JAKMIP3: variants seen among roughly 807,000 people sequenced by gnomAD.
The protein encoded by JAKMIP3 is Janus kinase and microtubule interacting protein 3, also known as janus kinase and microtubule-interacting protein 3.
A neutral mutation model predicts 118.5 loss-of-function variants in JAKMIP3; 58 were observed. The observed-to-expected ratio is 0.49, with a 90% CI of 0.40 to 0.61. JAKMIP3 has a LOEUF of 0.61. JAKMIP3 is among the 20% of genes least tolerant of loss of function. The pLI is 0.00. For synonymous variants in JAKMIP3, 486 were observed against 451.2 expected, an observed-to-expected ratio of 1.08 and a Z score of -0.98; for missense variants, 950 against 1,109.0, an observed-to-expected ratio of 0.86 and a Z score of 2.04.
intron 13 of JAKMIP3, among the ~76,000 whole-genome samples, chr10:132,146,060 G>A (rs977204722): frequency 6.6e-5 from 10 of 152,126 alleles, no homozygotes; most frequent in South Asian, 4.1e-4. Context: ...TCGGCAAGGC[G>A]TCACCTGGCA....
At chr10:132,089,826 T>C (rs1482852218) in intron 1 of JAKMIP3, among the ~76,000 whole-genome samples, 1 of 152,216 alleles carries the variant, frequency 6.6e-6, no homozygotes, top group Non-Finnish European at 1.5e-5. Context: ...GCCCATTCAG[T>C]ATGATATTGT....
At chr10:132,180,680 CGCGT>C (rs1434638342) in intron 23 of JAKMIP3, among the ~76,000 whole-genome samples, 796 of 5,928 alleles carry the variant, frequency 0.13, 144 homozygotes, top group East Asian at 0.43. Context: ...TGTGTGCGCG[CGCGT>C]GTGTGTGCGT....
chr10:132,088,664 T>A (rs2042716502), intron 1 of JAKMIP3, among the ~76,000 whole-genome samples: 1 of 152,264 alleles, frequency 6.6e-6, no homozygotes, highest in South Asian at 2.1e-4. Context: ...GGTTGCCAGT[T>A]CACTCTGATG....
At chr10:132,175,075 A>G (rs1350493332) in intron 23 of JAKMIP3, among the ~76,000 whole-genome samples, 2 of 152,102 alleles carry the variant, frequency 1.3e-5, no homozygotes, top group Non-Finnish European at 2.9e-5. Flanking sequence ...CATTCCCTTG[A>G]GTGTCATTTA....
chr10:132,111,267 G>A (rs940108049), intron 2 of JAKMIP3, among the ~76,000 whole-genome samples: 2 of 152,198 alleles, frequency 1.3e-5, no homozygotes, highest in African/African-American at 2.4e-5. Context: ...CGGGGACAGG[G>A]GCCGAGGCAA....
At position 132,150,020 on chromosome 10, in the gene JAKMIP3, C is replaced by T. The variant is rs1457730961; in HGVS notation, c.1986C>T (p.Ile662=). The T allele has an allele frequency of 3.2e-6, 5 of 1,568,730 alleles. No individual in the cohort carries two copies. Among genetic ancestry groups the T allele is most frequent in the Non-Finnish European group, 3.5e-6 (4 of 1,156,580 alleles). The change falls in exon 16 of 24, where the codon ATC becomes ATT. Residue 662 remains isoleucine, a synonymous_variant. Transcript: ENST00000684848. ...VVAELMKKLD[I]LGDNAVSNLT... Reference sequence around the variant, plus strand: ...CGGAGCTGATGAAGAAGCTGGACATCCTGGGCGATAACGCCGTAAGTGTAT... The same window carrying T: ...CGGAGCTGATGAAGAAGCTGGACATTCTGGGCGATAACGCCGTAAGTGTAT...
intron 23 of JAKMIP3, among the ~76,000 whole-genome samples, chr10:132,178,308 C>T (rs2060377811): frequency 6.6e-6 from 1 of 152,188 alleles, no homozygotes; most frequent in South Asian, 2.1e-4. Flanking sequence ...TTGATAACAG[C>T]ACTGGTCCCC....
At chr10:132,047,509 C>T (rs1199199978) in intron 1 of JAKMIP3, among the ~76,000 whole-genome samples, 2 of 152,212 alleles carry the variant, frequency 1.3e-5, no homozygotes, top group Non-Finnish European at 2.9e-5. Context: ...GCATCTCGTA[C>T]AGCCACAGTG....
At chr10:132,155,119 T>C (rs1399407361) in intron 19 of JAKMIP3, among the ~76,000 whole-genome samples, 1 of 121,450 alleles carries the variant, frequency 8.2e-6, no homozygotes, top group Non-Finnish European at 1.8e-5. Context: ...ATGATGGTCA[T>C]GATGATGGTG....
At chr10:132,054,217 G>A (rs1440606473) in intron 1 of JAKMIP3, among the ~76,000 whole-genome samples, 1 of 152,142 alleles carries the variant, frequency 6.6e-6, no homozygotes, top group Non-Finnish European at 1.5e-5. Flanking sequence ...CCCAGTGTCT[G>A]TGTAAACTGT....
In JAKMIP3 at chr10:132,162,068, C is replaced by T. The variant is rs578243424; in HGVS notation, c.2221-1141C>T. 1.4e-3 allele frequency among the ~76,000 whole-genome samples: 173 copies of T among 123,628 alleles called. 7 individuals carry two copies. The highest frequency in any genetic ancestry group is 4.2e-3 in the African/African-American group (166 of 39,204). The allele number at this position is 123,628 out of a possible 152,430, so 81.1% of individuals were successfully genotyped here. A position where few individuals can be genotyped will look rare whatever the true frequency, so the allele number is the denominator to read the frequency against. On this transcript the variant is annotated intron_variant, in intron 19 of 23. Coordinates refer to ENST00000684848, the MANE Select transcript of JAKMIP3 (RefSeq NM_001323087.2). Reference sequence around the variant, plus strand: ...GGTGTGGCTCTCGGTCGCTCGGGTGCCCTCAGGTGACCCACAGGCCTGTGA... The same window carrying T: ...GGTGTGGCTCTCGGTCGCTCGGGTGTCCTCAGGTGACCCACAGGCCTGTGA...
At chr10:132,053,038 A>G (rs894947195) in intron 1 of JAKMIP3, among the ~76,000 whole-genome samples, 1 of 152,060 alleles carries the variant, frequency 6.6e-6, no homozygotes, top group Admixed American at 6.5e-5. Context: ...CCTGGTTCTC[A>G]TTGGCTAAAT....
intron 3 of JAKMIP3, among the ~76,000 whole-genome samples, chr10:132,132,536 A>G (rs1217976682): frequency 1.3e-5 from 2 of 152,176 alleles, no homozygotes. Flanking sequence ...GGTTGAGCAC[A>G]AAGCGCCACG....
At chr10:132,120,494 C>A (rs1218745630) in intron 3 of JAKMIP3, among the ~76,000 whole-genome samples, 1 of 152,260 alleles carries the variant, frequency 6.6e-6, no homozygotes, top group East Asian at 1.9e-4. Flanking sequence ...TCACCCTCAG[C>A]CCCATTCCCA....
chr10:132,110,307 C>CG (rs1180629191), intron 2 of JAKMIP3, among the ~76,000 whole-genome samples: 1 of 152,236 alleles, frequency 6.6e-6, no homozygotes, highest in African/African-American at 2.4e-5. Flanking sequence ...CAGGTGCTCC[C>CG]GGGCTGCTGG....
chr10:132,084,519 T>G (rs562884818), intron 1 of JAKMIP3, among the ~76,000 whole-genome samples: 1 of 152,342 alleles, frequency 6.6e-6, no homozygotes, highest in Admixed American at 6.5e-5. Flanking sequence ...TGGATTTGTA[T>G]GCCCTTTATT....
intron 19 of JAKMIP3, among the ~76,000 whole-genome samples, chr10:132,158,094 C>T (rs1258358100): frequency 6.7e-6 from 1 of 148,224 alleles, no homozygotes; most frequent in Non-Finnish European, 1.5e-5. Flanking sequence ...CCGCCCCGCC[C>T]CGCCCCGCCC....
At chr10:132,045,614 T>C (rs2037884730) in intron 1 of JAKMIP3, among the ~76,000 whole-genome samples, 1 of 152,186 alleles carries the variant, frequency 6.6e-6, no homozygotes, top group Non-Finnish European at 1.5e-5. Flanking sequence ...GTATGATATG[T>C]GTTTATAATT....
Position 132,138,141 on chromosome 10 carries a change from T to A in JAKMIP3, c.1307T>A (p.Phe436Tyr), listed in dbSNP as rs1403531311. Residue 436 changes from phenylalanine (F) to tyrosine (Y), a missense_variant, in exon 9 of 24, where the codon TTC becomes TAC. By Grantham distance (22) the Phe-to-Tyr change is conservative. Transcript: ENST00000684848. The part of the protein sequence containing the change: ...SVLERDKLLR[F>Y]RKQRKKMAKL... ...CAGGAGCGGGACAAGCTGTTAAGAT[T>A]CCGGAAGCAAAGAAAGAAAATGGCA... 3.1e-6 allele frequency: 5 copies of A among 1,612,294 alleles called. No homozygotes were observed. Among genetic ancestry groups the A allele is most frequent in the Non-Finnish European group, 3.4e-6 (4 of 1,179,302 alleles).
Sources: gnomAD v4.1 joint callset for allele counts (sites outside exome capture counted in the v4.1 genomes callset) on GRCh38, gnomAD v4.1.1 for gene constraint, MANE v1.5 for transcripts, NCBI Gene and HGNC (gene_info 2026-07-23, HGNC 2026-07-21) for gene names.